NARF: variants seen among roughly 807,000 people sequenced by gnomAD.
The protein encoded by NARF is nuclear prelamin A recognition factor, also known as iron-only hydrogenase-like protein 2.
In NARF, 41 loss-of-function variants were observed where a neutral mutation model predicts 48.0. The observed-to-expected ratio is 0.85, with a 90% confidence interval of 0.66 to 1.11. The LOEUF (loss-of-function observed/expected upper bound fraction) is 1.11. Among genes scored for constraint, NARF ranks in the 50% least tolerant of loss-of-function variants. The pLI is 0.00. For synonymous variants in NARF, 215 were observed against 225.5 expected (o/e 0.95, Z 0.42); for missense variants, 613 against 590.2 (o/e 1.04, Z -0.40).
chr17:82,487,817 C>G (rs1007348263), intron 10 of NARF, 99 bp from the exon 11 acceptor site: 10 of 1,364,820 alleles, frequency 7.3e-6, no homozygotes, highest in Non-Finnish European at 9.0e-6. Context: ...AAAAATCAGC[C>G]GGGCAAGGTG....
chr17:82,480,897 A>C (rs969827355), intron 6 of NARF, 185 bp from the exon 7 acceptor site: 36 of 738,052 alleles, frequency 4.9e-5, no homozygotes, highest in Non-Finnish European at 6.7e-5. Flanking sequence ...ACGCCACTGC[A>C]CTCCAACCTG....
At chr17:82,483,249 G>A (rs1479437617) in intron 7 of NARF, 1 of 386,394 alleles carries the variant, frequency 2.6e-6, no homozygotes. Flanking sequence ...AACCCGGGAG[G>A]CAGAGGTTAC....
chr17:82,480,309 A>T (rs1339153104), intron 6 of NARF: 3 of 398,566 alleles, frequency 7.5e-6, no homozygotes, highest in African/African-American at 2.1e-5. Flanking sequence ...ACACACACAC[A>T]CACTCACTCA....
rs747160480 is a variant in NARF, at chr17:82,478,800, G to C, written c.521G>C (p.Gly174Ala). The change falls in exon 6 of 11, where the codon GGC becomes GCC. Residue 174 changes from glycine (G) to alanine (A), a missense_variant and splice_region_variant. By Grantham distance (60) the Gly-to-Ala change is moderately conservative (BLOSUM62 0). Coordinates refer to ENST00000309794, the MANE Select transcript of NARF (RefSeq NM_012336.4). ...TLPMLTSACPGWVRYAERVLG... is the reference protein window; with the variant it reads ...TLPMLTSACPAWVRYAERVLG... ...GACCGTGGATCCCTTCTCTCCCCAG[G>C]CTGGGTCCGATACGCCGAGCGGGTG... The C allele has an allele frequency of 6.2e-7, 1 of 1,613,122 alleles. No homozygotes were observed. The highest frequency in any genetic ancestry group is 8.5e-7 in the Non-Finnish European group (1 of 1,179,506).
chr17:82,476,418 A>G (rs557117493), intron 5 of NARF, among the ~76,000 whole-genome samples: 2 of 152,082 alleles, frequency 1.3e-5, no homozygotes, highest in South Asian at 4.2e-4. Context: ...CTGGGATTAC[A>G]GCAGTGAGCC....
chr17:82,488,114 A>T lies in NARF; in HGVS notation c.1328A>T (p.Gln443Leu). Residue 443 changes from glutamine to leucine, a missense_variant, in exon 11 of 11, where the codon CAG (glutamine) becomes CTG (leucine). Gln to Leu is a moderately radical substitution (Grantham distance 113, BLOSUM62 -2). Transcript: ENST00000309794. ...CGAGAGGTGCTGCATACCACGTACC[A>T]GAGCCAGGAGCGTGGCACACACAGC... ...KAREVLHTTY[Q>L]SQERGTHSLD... 6.2e-7 allele frequency: 1 copy of T among 1,614,080 alleles called. No individual in the cohort carries two copies. Among genetic ancestry groups the T allele is most frequent in the Non-Finnish European group, 8.5e-7 (1 of 1,180,026 alleles).
At chr17:82,478,412 G>A (rs760403181) in intron 5 of NARF, among the ~76,000 whole-genome samples, 8 of 152,372 alleles carry the variant, frequency 5.3e-5, no homozygotes, top group South Asian at 2.1e-4. Context: ...TCCCCTGAGC[G>A]GTAGCTGCGT....
intron 9 of NARF, among the ~76,000 whole-genome samples, chr17:82,485,188 G>A (rs1413975462): frequency 1.3e-5 from 2 of 152,202 alleles, no homozygotes; most frequent in Admixed American, 6.5e-5. Context: ...CTGGGAGGCC[G>A]AGGCGGGCGG....
At chr17:82,487,778 C>T (rs113771718) in intron 10 of NARF, 138 bp from the exon 11 acceptor site, 15,726 of 543,224 alleles carry the variant, frequency 0.029, 1,916 homozygotes, top group Admixed American at 0.05. Flanking sequence ...CAACACCCGC[C>T]CCTCCCGCCC....
intron 4 of NARF, among the ~76,000 whole-genome samples, chr17:82,470,002 C>T (rs2043660532): frequency 6.6e-6 from 1 of 152,068 alleles, no homozygotes; most frequent in Non-Finnish European, 1.5e-5. Context: ...AAGGCCAAGA[C>T]CAGAAGATTA....
In NARF at chr17:82,485,588, A is replaced by G. The variant is rs1024253600; in HGVS notation, c.1063A>G (p.Met355Val). ...CTATGGCTTTCGAAACATCCAGAAC[A>G]TGATCCTGAAGCTTAAGAAGGGCAA... ...AAYGFRNIQN[M>V]ILKLKKGKFP... The change falls in exon 10 of 11, where the codon ATG becomes GTG. Residue 355 changes from methionine to valine, a missense_variant. Transcript: ENST00000309794. 1.9e-6 allele frequency: 3 copies of G among 1,614,132 alleles called. No individual in the cohort carries two copies. In the African/African-American group the frequency reaches 4.0e-5, roughly 22 times the overall value.
At chr17:82,464,013 C>A in intron 2 of NARF, 1 of 363,678 alleles carries the variant, frequency 2.7e-6, no homozygotes, top group Non-Finnish European at 5.0e-6. Flanking sequence ...TTACTTCCTA[C>A]CACGTGACAG....
At position 82,478,868 on chromosome 17, in the gene NARF, C is replaced by A. The variant is rs2143921917; in HGVS notation, c.589C>A (p.Pro197Thr). ...ITAHLCTAKS[P>T]QQVMGSLVKD... ...TGCCCACCTCTGCACCGCCAAGTCC[C>A]CCCAGCAGGTCATGGGCTCTTTGGT... is the stretch of plus-strand genomic sequence containing the variant. The change falls in exon 6 of 11, where the codon CCC becomes ACC. Residue 197 changes from proline to threonine, a missense_variant. By Grantham distance (38) the Pro-to-Thr change is conservative. Transcript: ENST00000309794. 1.9e-6 allele frequency: 3 copies of A among 1,614,108 alleles called. No homozygotes were observed. In the South Asian group the frequency reaches 3.3e-5, roughly 18 times the overall value.
At chr17:82,470,063 C>G (rs143096986) in intron 4 of NARF, among the ~76,000 whole-genome samples, 42 of 152,274 alleles carry the variant, frequency 2.8e-4, no homozygotes, top group Admixed American at 1.5e-3. Flanking sequence ...AAGATCCTAT[C>G]TCTGCTAAAT....
At position 82,472,665 on chromosome 17, in the gene NARF, C is replaced by A. The variant is rs141107507; in HGVS notation, c.487C>A (p.Arg163Ser). Reference protein sequence around the residue: ...RRYRQHSEEERTLPMLTSACP... With the variant: ...RRYRQHSEEESTLPMLTSACP... The stretch of plus-strand genomic sequence containing the variant: ...CTATCGCCAGCACAGTGAGGAGGAA[C>A]GCACCCTGCCCATGCTGACCTCTGC... The change falls in exon 5 of 11, where the codon CGC becomes AGC. Residue 163 changes from arginine (R) to serine (S), a missense_variant. Arg to Ser is a moderately radical substitution (Grantham distance 110). Transcript: ENST00000309794. The A allele has an allele frequency of 2.2e-5, 35 of 1,613,698 alleles. No homozygotes were observed. Among genetic ancestry groups the A allele is most frequent in the Non-Finnish European group, 2.9e-5 (34 of 1,179,898 alleles).
chr17:82,483,333 T>G (rs1200137421), intron 7 of NARF: 4 of 296,828 alleles, frequency 1.3e-5, no homozygotes, highest in African/African-American at 2.3e-5. Flanking sequence ...AAAAAAAAAA[T>G]GCAACCAGTG....
At chr17:82,470,634 A>G (rs978797677) in intron 4 of NARF, among the ~76,000 whole-genome samples, 1 of 151,902 alleles carries the variant, frequency 6.6e-6, no homozygotes, top group Non-Finnish European at 1.5e-5. Context: ...GGCTGGGACT[A>G]CAGGCGCCCG....
At chr17:82,479,117 C>G in intron 6 of NARF, 199 bp downstream of exon 6, 1 of 494,166 alleles carries the variant, frequency 2.0e-6, no homozygotes, top group Non-Finnish European at 3.6e-6. Context: ...CCTCTTACAA[C>G]CTTTTTCTTT....
intron 6 of NARF, among the ~76,000 whole-genome samples, chr17:82,479,671 G>A (rs1023099711): frequency 3.3e-5 from 5 of 152,190 alleles, no homozygotes; most frequent in Non-Finnish European, 7.3e-5. Context: ...CAGGCACTGT[G>A]GTAACTGGAG....
Sources: gnomAD v4.1 joint callset for allele counts (sites outside exome capture counted in the v4.1 genomes callset) on GRCh38, gnomAD v4.1.1 for gene constraint, MANE v1.5 for transcripts, NCBI Gene and HGNC (gene_info 2026-07-23, HGNC 2026-07-21) for gene names.